The following NTNG1 variants were observed in gnomAD, a reference collection of about 807,000 sequenced individuals.
The protein encoded by NTNG1 is netrin G1, also known as netrin-G1.
In NTNG1, 16 loss-of-function variants were observed where a neutral mutation model predicts 54.0. That is an observed-to-expected ratio of 0.30 (90% CI 0.20 to 0.45). The LOEUF (loss-of-function observed/expected upper bound fraction) is 0.45, where lower values mean the gene tolerates loss of function less well. NTNG1 is among the 20% of genes least tolerant of loss of function. The pLI, the probability that NTNG1 is intolerant of heterozygous loss-of-function variation, is 1.00. For synonymous variants in NTNG1, 255 were observed against 263.1 expected (o/e 0.97, Z 0.30); for missense variants, 530 against 678.7 (o/e 0.78, Z 2.43).
At chr1:107,401,968 C>A (rs572474035) in intron 4 of NTNG1, among the ~76,000 whole-genome samples, 1 of 151,996 alleles carries the variant, frequency 6.6e-6, no homozygotes. Flanking sequence ...GTGCCAGCCA[C>A]GTAGTAAGCA....
At chr1:107,355,374 G>A (rs1161640624) in intron 3 of NTNG1, among the ~76,000 whole-genome samples, 1 of 150,980 alleles carries the variant, frequency 6.6e-6, no homozygotes, top group Non-Finnish European at 1.5e-5. Context: ...TTAATTCTTA[G>A]CTTATAATTG....
intron 3 of NTNG1, among the ~76,000 whole-genome samples, chr1:107,382,949 C>G (rs1189985836): frequency 6.6e-6 from 1 of 152,062 alleles, no homozygotes; most frequent in Non-Finnish European, 1.5e-5. Context: ...TAGAAGAAAG[C>G]TATTTTCCCC....
intron 2 of NTNG1, among the ~76,000 whole-genome samples, chr1:107,299,085 A>T (rs1443536496): frequency 4.6e-5 from 7 of 152,174 alleles, no homozygotes; most frequent in African/African-American, 1.4e-4. Context: ...TTTAAAAATC[A>T]GAAGAAGAAG....
chr1:107,380,303 G>C (rs1264633559), intron 3 of NTNG1, among the ~76,000 whole-genome samples: 1 of 152,144 alleles, frequency 6.6e-6, no homozygotes, highest in East Asian at 1.9e-4. Context: ...AAAGATGAAA[G>C]TTGCCTTACT....
chr1:107,333,783 G>A (rs1164780864), intron 3 of NTNG1, among the ~76,000 whole-genome samples: 2 of 149,156 alleles, frequency 1.3e-5, no homozygotes, highest in Admixed American at 6.7e-5. Flanking sequence ...AAGTGAGACT[G>A]TCGTAGAGAA....
At chr1:107,272,585 G>A (rs1664215894) in intron 2 of NTNG1, among the ~76,000 whole-genome samples, 1 of 152,136 alleles carries the variant, frequency 6.6e-6, no homozygotes, top group Admixed American at 6.5e-5. Flanking sequence ...TATGTGCTCA[G>A]CCTGTCTATA....
chr1:107,257,290 T>G (rs1018852201), intron 2 of NTNG1, among the ~76,000 whole-genome samples: 2 of 152,196 alleles, frequency 1.3e-5, no homozygotes, highest in Non-Finnish European at 2.9e-5. Flanking sequence ...ATATTTTTGT[T>G]AAAAGTATCC....
In NTNG1 at chr1:107,190,090, A is replaced by G. The variant is rs371079553; in HGVS notation, c.246+41251A>G. On this transcript the variant is annotated intron_variant, in intron 2 of 7. Transcript: ENST00000370068. ...TGGCAAATATTGTACAATTCCACTTATGTGAGCTCTCCAGAGTAGTAAAAT... is the reference window on the plus strand; with the variant it reads ...TGGCAAATATTGTACAATTCCACTTGTGTGAGCTCTCCAGAGTAGTAAAAT... 3.3e-5 allele frequency among the ~76,000 whole-genome samples: 5 copies of G among 152,270 alleles called. No homozygotes were observed. In the South Asian group the frequency reaches 6.2e-4, roughly 19 times the overall value.
At chr1:107,273,331 A>C (rs1664266070) in intron 2 of NTNG1, among the ~76,000 whole-genome samples, 1 of 152,196 alleles carries the variant, frequency 6.6e-6, no homozygotes. Flanking sequence ...AGAAGAATGT[A>C]TTGGCTTGTG....
intron 2 of NTNG1, among the ~76,000 whole-genome samples, chr1:107,227,335 C>A (rs1235823977): frequency 6.6e-6 from 1 of 152,046 alleles, no homozygotes; most frequent in African/African-American, 2.4e-5. Context: ...TTTATCTTTT[C>A]CTCTTTCACT....
Position 107,435,905 on chromosome 1 carries a change from A to T in NTNG1, c.1256-760A>T, listed in dbSNP as rs1675565773. On this transcript the variant is annotated intron_variant, in intron 6 of 7. Coordinates refer to ENST00000370068, the MANE Select transcript of NTNG1 (RefSeq NM_001113226.3). ...GCTTTAAGCAAAATAGAGCTTCAGAAGTAAAAATATCCTATATAAGAATGT... is the reference window on the plus strand; with the variant it reads ...GCTTTAAGCAAAATAGAGCTTCAGATGTAAAAATATCCTATATAAGAATGT... Among the ~76,000 whole-genome samples, 2 of 152,222 alleles carry T rather than the reference A, an allele frequency of 1.3e-5. 1 individual carries two copies. The highest frequency in any genetic ancestry group is 4.1e-4 in the South Asian group (2 of 4,834).
At chr1:107,401,688 G>GT (rs11389964) in intron 4 of NTNG1, among the ~76,000 whole-genome samples, 60,990 of 145,486 alleles carry the variant, frequency 0.42, 12,766 homozygotes, top group Middle Eastern at 0.5. Context: ...AATTTTCATA[G>GT]TTTTTTTTTT....
At chr1:107,365,900 C>T (rs1670568187) in intron 3 of NTNG1, among the ~76,000 whole-genome samples, 1 of 152,168 alleles carries the variant, frequency 6.6e-6, no homozygotes, top group South Asian at 2.1e-4. Flanking sequence ...TTTTGTTTCT[C>T]CAGCAGCAGT....
intron 2 of NTNG1, among the ~76,000 whole-genome samples, chr1:107,163,587 A>G (rs1464855486): frequency 6.6e-6 from 1 of 152,182 alleles, no homozygotes; most frequent in African/African-American, 2.4e-5. Flanking sequence ...TCAGGCTCCA[A>G]GTAAGGTATT....
intron 3 of NTNG1, among the ~76,000 whole-genome samples, chr1:107,393,671 T>G (rs1036212714): frequency 2.0e-5 from 3 of 151,576 alleles, no homozygotes; most frequent in Non-Finnish European, 2.9e-5. Context: ...GGTGATTGCT[T>G]TAGGACTACA....
At chr1:107,281,419 G>T (rs1007525352) in intron 2 of NTNG1, among the ~76,000 whole-genome samples, 4 of 151,836 alleles carry the variant, frequency 2.6e-5, no homozygotes, top group East Asian at 1.9e-4. Flanking sequence ...GAATTTGTTT[G>T]ATTTTGTTTA....
chr1:107,186,853 G>C (rs1227935787), intron 2 of NTNG1, among the ~76,000 whole-genome samples: 1 of 152,140 alleles, frequency 6.6e-6, no homozygotes, highest in Non-Finnish European at 1.5e-5. Flanking sequence ...CCCAGAACTA[G>C]ACATTCTACC....
At chr1:107,316,136 T>C (rs989233519) in intron 2 of NTNG1, among the ~76,000 whole-genome samples, 13 of 152,150 alleles carry the variant, frequency 8.5e-5, no homozygotes, top group African/African-American at 3.1e-4. Flanking sequence ...AGCTGGAGCC[T>C]AGGAAGTAAC....
chr1:107,437,338 G>A (rs145985833), intron 7 of NTNG1, among the ~76,000 whole-genome samples: 229 of 152,274 alleles, frequency 1.5e-3, no homozygotes, highest in African/African-American at 5.2e-3. Flanking sequence ...AGCCTCTGAG[G>A]TTAGGCACTA....
Sources: gnomAD v4.1 joint callset for allele counts (sites outside exome capture counted in the v4.1 genomes callset) on GRCh38, gnomAD v4.1.1 for gene constraint, MANE v1.5 for transcripts, NCBI Gene and HGNC (gene_info 2026-07-23, HGNC 2026-07-21) for gene names.